The following MAF variants were observed in gnomAD, a reference collection of about 807,000 sequenced individuals.
MAF encodes the protein MAF bZIP transcription factor.
A neutral mutation model predicts 22.0 loss-of-function variants in MAF; 10 were observed. The observed-to-expected ratio is 0.45, with a 90% CI of 0.28 to 0.77. MAF has a LOEUF of 0.77. MAF is among the 30% of genes least tolerant of loss of function. The pLI is 0.12. For missense variants in MAF, 544 were observed against 548.4 expected (o/e 0.99, Z 0.08); for synonymous variants, 337 against 255.8 (o/e 1.32, Z -3.03).
chr16:79,228,612 G>A, the MAF span, among the ~76,000 whole-genome samples: 1 of 152,034 alleles, frequency 6.6e-6, no homozygotes, highest in East Asian at 1.9e-4. Context: ...TCAATGGTTG[G>A]CACCTTTGAT....
At chr16:79,418,186 C>T in the MAF span, among the ~76,000 whole-genome samples, 3 of 152,288 alleles carry the variant, frequency 2.0e-5, no homozygotes, top group East Asian at 3.9e-4. Flanking sequence ...GGCTCCAGCG[C>T]GGCTGGGCTT....
chr16:79,483,573 A>T, the MAF span, among the ~76,000 whole-genome samples: 1 of 152,168 alleles, frequency 6.6e-6, no homozygotes, highest in Admixed American at 6.5e-5. Flanking sequence ...TGACCAGGTC[A>T]TGAAGCTTCT....
At chr16:79,345,708 C>A in the MAF span, among the ~76,000 whole-genome samples, 8 of 99,428 alleles carry the variant, frequency 8.0e-5, no homozygotes, top group African/African-American at 2.0e-4. Flanking sequence ...AGCCTGGCAA[C>A]AGAGCAAGAC....
chr16:79,466,556 C>A, the MAF span, among the ~76,000 whole-genome samples: 1 of 152,240 alleles, frequency 6.6e-6, no homozygotes, highest in African/African-American at 2.4e-5. Flanking sequence ...AACTTTGGAT[C>A]TTCCTCAGGT....
chr16:79,371,321 A>G, the MAF span, among the ~76,000 whole-genome samples: 1 of 152,140 alleles, frequency 6.6e-6, no homozygotes. Context: ...TTGGCATAGC[A>G]TCACCTCTGC....
chr16:79,570,772 C>T, the MAF span, among the ~76,000 whole-genome samples: 3 of 152,194 alleles, frequency 2.0e-5, no homozygotes, highest in Non-Finnish European at 4.4e-5. Context: ...TACAATACAA[C>T]TGGTCCTTCT....
At chr16:79,522,708 T>C in the MAF span, among the ~76,000 whole-genome samples, 1 of 152,206 alleles carries the variant, frequency 6.6e-6, no homozygotes, top group Non-Finnish European at 1.5e-5. Context: ...CATGATTAAA[T>C]AAAAGAGGCT....
chr16:79,565,598 C>T, the MAF span, among the ~76,000 whole-genome samples: 7 of 152,044 alleles, frequency 4.6e-5, no homozygotes, highest in Admixed American at 2.6e-4. Flanking sequence ...AGATCTGATG[C>T]TGTTATAAGG....
At chr16:79,548,489 A>T in the MAF span, among the ~76,000 whole-genome samples, 1 of 152,356 alleles carries the variant, frequency 6.6e-6, no homozygotes, top group Non-Finnish European at 1.5e-5. Flanking sequence ...TTGGTCTTCA[A>T]TCTCTGGATT....
the MAF span, among the ~76,000 whole-genome samples, chr16:79,262,241 C>T: frequency 6.6e-6 from 1 of 152,122 alleles, no homozygotes; most frequent in South Asian, 2.1e-4. Flanking sequence ...TTAGTGAGGG[C>T]CAGACAGCCA....
the MAF span, among the ~76,000 whole-genome samples, chr16:79,379,478 A>AC: frequency 3.3e-5 from 5 of 149,428 alleles, no homozygotes; most frequent in East Asian, 5.9e-4. Flanking sequence ...CAGAAGTAGT[A>AC]CGGCTCTTGA....
At chr16:79,468,738 G>T in the MAF span, among the ~76,000 whole-genome samples, 13 of 152,260 alleles carry the variant, frequency 8.5e-5, no homozygotes, top group African/African-American at 2.9e-4. Context: ...GTAGAGGAAG[G>T]GGGTGGCTGA....
the MAF span, among the ~76,000 whole-genome samples, chr16:79,270,716 A>T: frequency 6.6e-6 from 1 of 152,084 alleles, no homozygotes; most frequent in Non-Finnish European, 1.5e-5. Context: ...ACTGGCCCTG[A>T]TTTGTGTGGG....
the MAF span, among the ~76,000 whole-genome samples, chr16:79,412,922 G>A: frequency 2.0e-5 from 3 of 152,184 alleles, no homozygotes; most frequent in Admixed American, 1.3e-4. Flanking sequence ...TTGCCCTGTA[G>A]GTATGTAAAT....
the MAF span, among the ~76,000 whole-genome samples, chr16:79,374,471 C>G: frequency 1.3e-5 from 2 of 152,230 alleles, no homozygotes; most frequent in East Asian, 3.8e-4. Flanking sequence ...ATTGCTGCTA[C>G]AGCCTCATTT....
chr16:79,494,220 A>G, the MAF span, among the ~76,000 whole-genome samples: 239 of 152,282 alleles, frequency 1.6e-3, 1 homozygote, highest in African/African-American at 5.2e-3. Flanking sequence ...TATGACTCTC[A>G]CCTAATGAAA....
At chr16:79,520,408 G>A in the MAF span, among the ~76,000 whole-genome samples, 1 of 152,028 alleles carries the variant, frequency 6.6e-6, no homozygotes, top group Non-Finnish European at 1.5e-5. Context: ...TGGCCCCATG[G>A]CACACAAAGG....
chr16:79,391,326 T>C, the MAF span, among the ~76,000 whole-genome samples: 1 of 152,206 alleles, frequency 6.6e-6, no homozygotes, highest in East Asian at 1.9e-4. Flanking sequence ...TTTAATATTT[T>C]ATTATACTAG....
At chr16:79,214,377 T>C in the MAF span, among the ~76,000 whole-genome samples, 1 of 152,054 alleles carries the variant, frequency 6.6e-6, no homozygotes, top group Non-Finnish European at 1.5e-5. Context: ...TTCAGGAAAA[T>C]AATTTCCATC....
Sources: gnomAD v4.1 joint callset for allele counts (sites outside exome capture counted in the v4.1 genomes callset) on GRCh38, gnomAD v4.1.1 for gene constraint, MANE v1.5 for transcripts, NCBI Gene and HGNC (gene_info 2026-07-23, HGNC 2026-07-21) for gene names.